The following KCNJ1 variants were observed in gnomAD, a reference collection of about 807,000 sequenced individuals.
KCNJ1 encodes the protein ATP-sensitive inward rectifier potassium channel 1.
Under a neutral mutation model 21.9 loss-of-function variants are expected in KCNJ1, and 24 were observed. The ratio of observed to expected loss-of-function variants is 1.10; its 90% CI spans 0.79 to 1.54. The LOEUF (loss-of-function observed/expected upper bound fraction) is 1.54. KCNJ1 is among the 40% of genes most tolerant of loss of function. The probability of loss-of-function intolerance (pLI) is 0.00; values close to 1 mark genes in which losing one functional copy is unlikely to be tolerated. For synonymous variants in KCNJ1, 152 were observed against 160.9 expected, an observed-to-expected ratio of 0.94 and a Z score of 0.42; for missense variants, 457 against 455.4, an observed-to-expected ratio of 1.00 and a Z score of -0.03.
intron 2 of KCNJ1, chr11:128,842,479 T>C: frequency 6.2e-7 from 1 of 1,612,756 alleles, no homozygotes; most frequent in Non-Finnish European, 8.5e-7. Flanking sequence ...TGATTTCTTT[T>C]AGACTCAGCC....
intron 1 of KCNJ1, among the ~76,000 whole-genome samples, chr11:128,853,846 C>T (rs1170020598): frequency 1.3e-5 from 2 of 152,204 alleles, no homozygotes; most frequent in Non-Finnish European, 2.9e-5. Context: ...GAAGGCACCA[C>T]CATCAGAATG....
chr11:128,845,964 G>T (rs1943372966), intron 2 of KCNJ1, among the ~76,000 whole-genome samples: 1 of 152,148 alleles, frequency 6.6e-6, no homozygotes, highest in Non-Finnish European at 1.5e-5. Flanking sequence ...AAGGTCTGAT[G>T]GTGTTGGTAC....
At chr11:128,854,342 C>A (rs1943542171) in intron 1 of KCNJ1, among the ~76,000 whole-genome samples, 1 of 152,190 alleles carries the variant, frequency 6.6e-6, no homozygotes, top group Non-Finnish European at 1.5e-5. Flanking sequence ...TTGTTGTATT[C>A]CTGGAGTCAG....
rs1943253094 is a variant in KCNJ1, at chr11:128,839,983, G to A, written c.261C>T (p.His87=). ...AAGGATGGAATTCCGGGAGGTCTTT[G>A]TGAATGTACGCTACTGCATACCACA... ...GLLWYAVAYI[H]KDLPEFHPSA... Residue 87 remains histidine (H), a synonymous_variant, in exon 3 of 3, where the codon CAC becomes CAT. Transcript: ENST00000392666. 1.2e-6 allele frequency: 2 copies of A among 1,614,048 alleles called. No homozygotes were observed. The highest frequency in any genetic ancestry group is 1.1e-5 in the South Asian group (1 of 91,082).
At chr11:128,843,518 G>T (rs775078606) in intron 2 of KCNJ1, among the ~76,000 whole-genome samples, 1 of 152,124 alleles carries the variant, frequency 6.6e-6, no homozygotes, top group African/African-American at 2.4e-5. Flanking sequence ...GACATTTTGT[G>T]CACTTCCCAA....
chr11:128,843,948 G>A, intron 2 of KCNJ1, among the ~76,000 whole-genome samples: 1 of 152,166 alleles, frequency 6.6e-6, no homozygotes, highest in Non-Finnish European at 1.5e-5. Context: ...AGTGATGAAT[G>A]CCAGGATATG....
At chr11:128,848,528 A>C (rs1943423637) in intron 2 of KCNJ1, among the ~76,000 whole-genome samples, 1 of 152,074 alleles carries the variant, frequency 6.6e-6, no homozygotes, top group South Asian at 2.1e-4. Context: ...TGTTCTTCAT[A>C]ATAGTTTCTT....
chr11:128,846,435 G>A (rs1409950358), intron 2 of KCNJ1, among the ~76,000 whole-genome samples: 1 of 152,138 alleles, frequency 6.6e-6, no homozygotes, highest in Non-Finnish European at 1.5e-5. Flanking sequence ...AGGCCAATCG[G>A]GGTCTACCTC....
At chr11:128,847,559 G>C (rs752403476) in intron 2 of KCNJ1, among the ~76,000 whole-genome samples, 5 of 152,230 alleles carry the variant, frequency 3.3e-5, no homozygotes, top group Admixed American at 6.5e-5. Context: ...AAAATTTCAA[G>C]TTCGGCTTTT....
chr11:128,842,738 T>C (rs1280266464), intron 2 of KCNJ1, among the ~76,000 whole-genome samples: 1 of 152,138 alleles, frequency 6.6e-6, no homozygotes, highest in Non-Finnish European at 1.5e-5. Context: ...ATTGCCTTCC[T>C]CTCCTTGGCC....
intron 2 of KCNJ1, among the ~76,000 whole-genome samples, chr11:128,842,862 A>C (rs1407734613): frequency 6.6e-6 from 1 of 152,214 alleles, no homozygotes; most frequent in Non-Finnish European, 1.5e-5. Flanking sequence ...TGAAATACTG[A>C]GTTTTCCAAG....
intron 1 of KCNJ1, 66 bp downstream of exon 1, chr11:128,867,107 T>C (rs1050323654): frequency 6.6e-6 from 1 of 151,692 alleles, no homozygotes; most frequent in Non-Finnish European, 1.5e-5. Context: ...GGAAAAGAGG[T>C]CTAAATTTTC....
At chr11:128,848,064 G>A (rs1433863859) in intron 2 of KCNJ1, among the ~76,000 whole-genome samples, 2 of 151,888 alleles carry the variant, frequency 1.3e-5, no homozygotes, top group Admixed American at 6.6e-5. Flanking sequence ...CGAGGTGGGT[G>A]GATCACGAGG....
rs766300236 is a variant in KCNJ1 at position 128,839,403 on chromosome 11, T to C, written c.841A>G (p.Thr281Ala). ...DFELVVFLDG[T>A]VESTSATCQV... ...CAGGTAGCACTGGTGGACTCCACTG[T>C]GCCATCTAAAAACACCACTAATTCA... The change falls in exon 3 of 3, where the codon ACA (threonine) becomes GCA (alanine). Residue 281 changes from threonine to alanine, a missense_variant. Thr to Ala is a moderately conservative substitution (Grantham distance 58). Transcript: ENST00000392666. The C allele has an allele frequency of 6.2e-7, 1 of 1,614,198 alleles. No homozygotes were observed. The highest frequency in any genetic ancestry group is 8.5e-7 in the Non-Finnish European group (1 of 1,180,034).
chr11:128,840,216 C>A lies in KCNJ1; in HGVS notation c.28G>T (p.Val10Phe). The A allele has an allele frequency of 1.2e-6, 2 of 1,614,106 alleles. No individual in the cohort carries two copies. The highest frequency in any genetic ancestry group is 8.5e-7 in the Non-Finnish European group (1 of 1,180,016). MFKHLRKWV[V>F]TRFFGHSRQR... ...CGAGAATGCCCAAAAAAGCGAGTGACGACCCATTTCCGAAGATGTTTGAAC... is the reference window on the plus strand; with the variant it reads ...CGAGAATGCCCAAAAAAGCGAGTGAAGACCCATTTCCGAAGATGTTTGAAC... Residue 10 changes from valine to phenylalanine, a missense_variant, in exon 3 of 3, where the codon GTC (valine) becomes TTC (phenylalanine). Val to Phe is a conservative substitution (Grantham distance 50, BLOSUM62 -1). Coordinates refer to ENST00000392666, the MANE Select transcript of KCNJ1 (RefSeq NM_153766.3).
chr11:128,840,931 C>G (rs1164788437), intron 2 of KCNJ1, among the ~76,000 whole-genome samples: 1 of 152,190 alleles, frequency 6.6e-6, no homozygotes, highest in African/African-American at 2.4e-5. Flanking sequence ...GGCTCCCTGC[C>G]TCTAGTCTAG....
intron 1 of KCNJ1, among the ~76,000 whole-genome samples, chr11:128,865,068 T>C (rs552273876): frequency 6.6e-6 from 1 of 152,210 alleles, no homozygotes; most frequent in African/African-American, 2.4e-5. Context: ...ACCAGCCTGG[T>C]ATTCCCTGTG....
intron 1 of KCNJ1, among the ~76,000 whole-genome samples, chr11:128,854,110 G>T (rs1484912029): frequency 6.9e-6 from 1 of 144,950 alleles, no homozygotes; most frequent in East Asian, 2.1e-4. Flanking sequence ...TACGATCCTG[G>T]GTTGGCAGCT....
chr11:128,839,320 G>C lies in KCNJ1; in HGVS notation c.924C>G (p.Pro308=). 6.2e-7 allele frequency: 1 copy of C among 1,614,132 alleles called. No homozygotes were observed. Among genetic ancestry groups the C allele is most frequent in the South Asian group, 1.1e-5 (1 of 91,068 alleles). The change falls in exon 3 of 3, where the codon CCC becomes CCG. Residue 308 remains proline (P), a synonymous_variant. Transcript: ENST00000392666. ...TCCCTTCCTTTGTCTTGGATACTAT[G>C]GGAGCAAAACGGTAGCCCCAAAGCA... ...EEVLWGYRFA[P]IVSKTKEGKY...
Sources: gnomAD v4.1 joint callset for allele counts (sites outside exome capture counted in the v4.1 genomes callset) on GRCh38, gnomAD v4.1.1 for gene constraint, MANE v1.5 for transcripts, NCBI Gene and HGNC (gene_info 2026-07-23, HGNC 2026-07-21) for gene names.